HCRTR2: variants seen among roughly 807,000 people sequenced by gnomAD.
HCRTR2 encodes hypocretin receptor 2.
In HCRTR2, 22 loss-of-function variants were observed where a neutral mutation model predicts 49.0. The observed-to-expected ratio is 0.45, with a 90% confidence interval of 0.32 to 0.64. The LOEUF (loss-of-function observed/expected upper bound fraction) is 0.64. HCRTR2 is among the 30% of genes least tolerant of loss of function. The pLI, the probability that HCRTR2 is intolerant of heterozygous loss-of-function variation, is 0.04. For synonymous variants in HCRTR2, 236 were observed against 205.3 expected (o/e 1.15, Z -1.28); for missense variants, 491 against 559.4 (o/e 0.88, Z 1.23).
intron 3 of HCRTR2, among the ~76,000 whole-genome samples, chr6:55,263,131 A>C (rs980246081): frequency 6.6e-6 from 1 of 152,170 alleles, no homozygotes; most frequent in Admixed American, 6.5e-5. Context: ...TGTTCCAATA[A>C]GTCAACAAAA....
At chr6:55,188,307 G>A (rs1384220625) in intron 1 of HCRTR2, among the ~76,000 whole-genome samples, 1 of 152,140 alleles carries the variant, frequency 6.6e-6, no homozygotes, top group Non-Finnish European at 1.5e-5. Context: ...GTTACTAAAG[G>A]GAAAGAGGAG....
chr6:55,182,775 T>G (rs942275778), intron 1 of HCRTR2, among the ~76,000 whole-genome samples: 8 of 152,240 alleles, frequency 5.3e-5, no homozygotes, highest in African/African-American at 1.9e-4. Context: ...TACTGGCTCT[T>G]AACCACCTTT....
intron 1 of HCRTR2, among the ~76,000 whole-genome samples, chr6:55,230,581 A>G (rs1766095070): frequency 6.6e-6 from 1 of 152,232 alleles, no homozygotes; most frequent in Non-Finnish European, 1.5e-5. Context: ...GATGACTGAC[A>G]TAGATTAATT....
intron 1 of HCRTR2, among the ~76,000 whole-genome samples, chr6:55,142,363 A>ATTTTTTT (rs60317937): frequency 7.8e-6 from 1 of 127,678 alleles, no homozygotes; most frequent in Non-Finnish European, 1.7e-5. Context: ...CGCCCTGTTA[A>ATTTTTTT]TTTTTTTTTT....
chr6:55,195,194 C>A (rs946495756), intron 1 of HCRTR2, among the ~76,000 whole-genome samples: 1 of 151,928 alleles, frequency 6.6e-6, no homozygotes, highest in Non-Finnish European at 1.5e-5. Context: ...AATAAGATAT[C>A]GACTTTCTTA....
chr6:55,266,399 T>G (rs1227981082), intron 4 of HCRTR2, among the ~76,000 whole-genome samples: 2 of 152,120 alleles, frequency 1.3e-5, no homozygotes, highest in Non-Finnish European at 1.5e-5. Flanking sequence ...TAGGAGAAAG[T>G]GCTGGGAAAG....
intron 1 of HCRTR2, among the ~76,000 whole-genome samples, chr6:55,187,411 C>CAAA (rs57619664): frequency 7.1e-5 from 7 of 98,424 alleles, no homozygotes; most frequent in Admixed American, 1.3e-4. Flanking sequence ...GACTCCGTCT[C>CAAA]AAAAAAAAAA....
In HCRTR2 at chr6:55,282,294, A is replaced by G. The variant is rs374693343; in HGVS notation, c.1175A>G (p.Asp392Gly). The part of the protein sequence containing the change: ...CCLGVHHRQE[D>G]RLTRGRTSTE... The stretch of plus-strand genomic sequence containing the variant: ...CTTGGAGTTCACCATCGCCAGGAGG[A>G]TCGGCTCACCAGGGGACGAACTAGC... Residue 392 changes from aspartate to glycine, a missense_variant, in exon 7 of 7, where the codon GAT becomes GGT. Asp to Gly is a moderately conservative substitution (Grantham distance 94). Coordinates refer to ENST00000370862, the MANE Select transcript of HCRTR2 (RefSeq NM_001384272.1). 4 of 1,613,774 alleles carry G rather than the reference A, an allele frequency of 2.5e-6. No homozygotes were observed. In the South Asian group the frequency reaches 3.3e-5, roughly 13 times the overall value.
chr6:55,180,387 G>A (rs1435889965), intron 1 of HCRTR2, among the ~76,000 whole-genome samples: 2 of 152,354 alleles, frequency 1.3e-5, no homozygotes, highest in East Asian at 3.9e-4. Flanking sequence ...ATACTTAGAT[G>A]TGCCCTCTAG....
chr6:55,236,930 A>G (rs1562017352), intron 1 of HCRTR2, among the ~76,000 whole-genome samples: 1 of 152,120 alleles, frequency 6.6e-6, no homozygotes, highest in Non-Finnish European at 1.5e-5. Context: ...CTATACACAC[A>G]TATTGAGAAT....
intron 1 of HCRTR2, among the ~76,000 whole-genome samples, chr6:55,226,664 G>T (rs1459042358): frequency 6.9e-6 from 1 of 145,194 alleles, no homozygotes; most frequent in Non-Finnish European, 1.5e-5. Flanking sequence ...CCAAAATCAT[G>T]TATTTATGTT....
At chr6:55,223,742 G>A (rs1562012643) in intron 1 of HCRTR2, among the ~76,000 whole-genome samples, 1 of 151,704 alleles carries the variant, frequency 6.6e-6, no homozygotes, top group Admixed American at 6.6e-5. Flanking sequence ...TTAAAAATCT[G>A]GCTATGATGC....
At chr6:55,164,052 T>C (rs1004019795) in intron 1 of HCRTR2, among the ~76,000 whole-genome samples, 7 of 152,202 alleles carry the variant, frequency 4.6e-5, no homozygotes, top group Middle Eastern at 3.4e-3. Flanking sequence ...ATTGGAGAAA[T>C]GCAAATAAAA....
At chr6:55,170,706 T>C (rs2127267029), upstream of HCRTR2, among the ~76,000 whole-genome samples, 1 of 147,432 alleles carries the variant, frequency 6.8e-6, no homozygotes, top group East Asian at 2.1e-4. Flanking sequence ...TTACATTAGG[T>C]ATATCTCCTA....
At chr6:55,162,827 C>T (rs1416527050) in intron 1 of HCRTR2, among the ~76,000 whole-genome samples, 1 of 152,140 alleles carries the variant, frequency 6.6e-6, no homozygotes, top group African/African-American at 2.4e-5. Context: ...AGGATACAAA[C>T]AAATGCAAAA....
intron 1 of HCRTR2, among the ~76,000 whole-genome samples, chr6:55,200,293 C>T (rs1765490969): frequency 7.2e-6 from 1 of 138,382 alleles, no homozygotes; most frequent in African/African-American, 2.7e-5. Flanking sequence ...GAAACGGAGT[C>T]TTGCTCTGTC....
chr6:55,161,359 T>C (rs1033573645), intron 1 of HCRTR2, among the ~76,000 whole-genome samples: 4 of 152,072 alleles, frequency 2.6e-5, no homozygotes, highest in African/African-American at 4.8e-5. Context: ...TTCATAGCAC[T>C]AAATGCCCAC....
chr6:55,221,670 G>A (rs1026526950), intron 1 of HCRTR2, among the ~76,000 whole-genome samples: 7 of 151,924 alleles, frequency 4.6e-5, no homozygotes, highest in South Asian at 2.1e-4. Context: ...AAAATTAGCC[G>A]GGCGTGGTGG....
At chr6:55,265,499 GAA>G (rs1766844737) in intron 4 of HCRTR2, among the ~76,000 whole-genome samples, 1 of 152,102 alleles carries the variant, frequency 6.6e-6, no homozygotes. Flanking sequence ...GAGACTGAGA[GAA>G]AAAGAAAACT....
Sources: allele counts gnomAD v4.1 joint callset (sites outside exome capture counted in the v4.1 genomes callset), GRCh38; gene constraint gnomAD v4.1.1; transcripts MANE v1.5; gene names NCBI Gene and HGNC (gene_info 2026-07-23, HGNC 2026-07-21).